The following PDE7B variants were observed in gnomAD, a reference collection of about 807,000 sequenced individuals.
The protein encoded by PDE7B is phosphodiesterase 7B, also known as 3',5'-cyclic-AMP phosphodiesterase 7B.
In PDE7B, 29 loss-of-function variants were observed where a neutral mutation model predicts 56.2. The observed-to-expected ratio is 0.52, with a 90% CI of 0.38 to 0.70. The LOEUF (loss-of-function observed/expected upper bound fraction) is 0.70, where lower values mean the gene tolerates loss of function less well. PDE7B is among the 30% of genes least tolerant of loss of function. The probability of loss-of-function intolerance (pLI) is 0.00; values close to 1 mark genes in which losing one functional copy is unlikely to be tolerated. For synonymous variants in PDE7B, 197 were observed against 196.9 expected, an observed-to-expected ratio of 1.00 and a Z score of 0.00; for missense variants, 490 against 565.0, an observed-to-expected ratio of 0.87 and a Z score of 1.35.
At chr6:136,030,471 TTG>T (rs377407462) in intron 2 of PDE7B, among the ~76,000 whole-genome samples, 2 of 152,082 alleles carry the variant, frequency 1.3e-5, no homozygotes, top group Non-Finnish European at 2.9e-5. Context: ...TGTGCATGTG[TTG>T]TGTGTGTGTG....
At chr6:135,994,996 A>C (rs1420656671) in intron 2 of PDE7B, among the ~76,000 whole-genome samples, 1 of 152,222 alleles carries the variant, frequency 6.6e-6, no homozygotes, top group Non-Finnish European at 1.5e-5. Flanking sequence ...AATAGTAAGC[A>C]CTGGCTTCCC....
At chr6:135,894,744 A>G (rs778523191) in intron 1 of PDE7B, among the ~76,000 whole-genome samples, 5 of 152,150 alleles carry the variant, frequency 3.3e-5, no homozygotes, top group Non-Finnish European at 5.9e-5. Flanking sequence ...CATCTTGAAC[A>G]TGTTATTTAA....
chr6:135,974,065 A>G (rs1775141631), intron 2 of PDE7B, among the ~76,000 whole-genome samples: 1 of 152,226 alleles, frequency 6.6e-6, no homozygotes, highest in Non-Finnish European at 1.5e-5. Flanking sequence ...ACATCTTGGT[A>G]ATGCAGTGTT....
intron 1 of PDE7B, among the ~76,000 whole-genome samples, chr6:135,916,915 A>G (rs1202513062): frequency 1.3e-5 from 2 of 151,998 alleles, no homozygotes; most frequent in African/African-American, 4.8e-5. Flanking sequence ...CATATCTTAT[A>G]AAGTATCTGA....
chr6:135,989,518 G>A (rs1775443984), intron 2 of PDE7B, among the ~76,000 whole-genome samples: 1 of 152,144 alleles, frequency 6.6e-6, no homozygotes, highest in Non-Finnish European at 1.5e-5. Context: ...GGAGGCTGAG[G>A]CAGGAGAATA....
chr6:136,140,369 T>C (rs1012821371), intron 3 of PDE7B, among the ~76,000 whole-genome samples: 4 of 152,220 alleles, frequency 2.6e-5, no homozygotes, highest in Non-Finnish European at 5.9e-5. Context: ...TTTTGGTTAC[T>C]GTAGCCTTGC....
At chr6:136,187,978 T>C (rs1042831687) in intron 12 of PDE7B, among the ~76,000 whole-genome samples, 5 of 152,196 alleles carry the variant, frequency 3.3e-5, no homozygotes, top group Non-Finnish European at 5.9e-5. Flanking sequence ...CCTGTTCCTA[T>C]AGACTTCAGA....
chr6:136,074,515 A>G (rs1394053412), intron 2 of PDE7B, among the ~76,000 whole-genome samples: 1 of 152,128 alleles, frequency 6.6e-6, no homozygotes, highest in Non-Finnish European at 1.5e-5. Flanking sequence ...GTGCTATCAA[A>G]TACTAGATCT....
intron 1 of PDE7B, among the ~76,000 whole-genome samples, chr6:135,922,055 T>C (rs1202524525): frequency 6.6e-6 from 1 of 152,202 alleles, no homozygotes; most frequent in Non-Finnish European, 1.5e-5. Flanking sequence ...ATGAAATAAA[T>C]CTTGGGGATT....
intron 8 of PDE7B, among the ~76,000 whole-genome samples, chr6:136,166,054 T>C (rs1460737447): frequency 6.6e-6 from 1 of 152,192 alleles, no homozygotes; most frequent in East Asian, 1.9e-4. Flanking sequence ...CTACAGCACT[T>C]ACATGACCAT....
intron 2 of PDE7B, among the ~76,000 whole-genome samples, chr6:135,972,344 G>T (rs1775109408): frequency 6.7e-6 from 1 of 150,286 alleles, no homozygotes; most frequent in African/African-American, 2.5e-5. Context: ...TTGAGAGTCT[G>T]TTTTGGCTAC....
At chr6:136,028,161 C>A (rs1242496829) in intron 2 of PDE7B, among the ~76,000 whole-genome samples, 1 of 152,122 alleles carries the variant, frequency 6.6e-6, no homozygotes, top group Non-Finnish European at 1.5e-5. Context: ...AAGGGCGCAG[C>A]ACTGAGACGT....
chr6:135,908,717 C>T (rs2128193338), intron 1 of PDE7B, among the ~76,000 whole-genome samples: 1 of 152,214 alleles, frequency 6.6e-6, no homozygotes, highest in South Asian at 2.1e-4. Context: ...AAGAAGGAAG[C>T]ACAAGTATCC....
intron 2 of PDE7B, among the ~76,000 whole-genome samples, chr6:135,972,249 A>C (rs1775106417): frequency 6.6e-6 from 1 of 151,290 alleles, no homozygotes; most frequent in Admixed American, 6.6e-5. Context: ...AAAAAAAAAA[A>C]AAAAAAAAAA....
At chr6:136,172,468 C>T (rs989713850) in intron 8 of PDE7B, among the ~76,000 whole-genome samples, 5 of 152,160 alleles carry the variant, frequency 3.3e-5, no homozygotes, top group African/African-American at 4.8e-5. Context: ...GTCCTTCGCC[C>T]ACTTTTTAAT....
intron 2 of PDE7B, among the ~76,000 whole-genome samples, chr6:136,090,132 T>TCTTTTTTATCATCAGAGATACAATC (rs1562490345): frequency 2.6e-5 from 4 of 152,196 alleles, no homozygotes; most frequent in African/African-American, 9.6e-5. Flanking sequence ...AAGCGACTGT[T>TCTTTTTTATCATCAGAGATACAATC]CTTTTTTATC....
chr6:136,062,247 A>G (rs1471358761), intron 2 of PDE7B, among the ~76,000 whole-genome samples: 6 of 152,218 alleles, frequency 3.9e-5, no homozygotes, highest in Non-Finnish European at 4.4e-5. Context: ...TAAAAATTGT[A>G]TATGTTTAAA....
chr6:136,025,247 G>T (rs1013642952), intron 2 of PDE7B, among the ~76,000 whole-genome samples: 17 of 152,092 alleles, frequency 1.1e-4, no homozygotes, highest in Non-Finnish European at 2.4e-4. Context: ...AGATATCAAA[G>T]AAATGAATAC....
intron 1 of PDE7B, among the ~76,000 whole-genome samples, chr6:135,945,066 C>A (rs1216784502): frequency 6.6e-6 from 1 of 151,804 alleles, no homozygotes. Flanking sequence ...TTAACACTTT[C>A]ACTTTAATCA....
Sources: allele counts gnomAD v4.1 joint callset (sites outside exome capture counted in the v4.1 genomes callset), GRCh38; gene constraint gnomAD v4.1.1; transcripts MANE v1.5; gene names NCBI Gene and HGNC (gene_info 2026-07-23, HGNC 2026-07-21).